Variants in PEAK1 observed in about 807,000 individuals in gnomAD.
PEAK1 encodes pseudopodium enriched atypical kinase 1, also known as inactive tyrosine-protein kinase PEAK1.
A neutral mutation model predicts 124.7 loss-of-function variants in PEAK1; 54 were observed. The observed-to-expected ratio is 0.43, with a 90% CI of 0.35 to 0.54. The LOEUF (loss-of-function observed/expected upper bound fraction) is 0.54, where lower values mean the gene tolerates loss of function less well. Among genes scored for constraint, PEAK1 ranks in the 20% least tolerant of loss-of-function variants. The pLI is 0.01. For missense variants in PEAK1, 2,046 were observed against 2,134.5 expected (o/e 0.96, Z 0.82); for synonymous variants, 719 against 760.0 (o/e 0.95, Z 0.89).
At chr15:77,374,862 T>C (rs1385412602) in intron 1 of PEAK1, among the ~76,000 whole-genome samples, 1 of 152,128 alleles carries the variant, frequency 6.6e-6, no homozygotes, top group Non-Finnish European at 1.5e-5. Context: ...TATACTGTAT[T>C]AATGAAAAAT....
rs1001376654 is a variant in PEAK1 at position 77,373,544 on chromosome 15, G to A, written c.-665-8319C>T. On this transcript the variant is annotated intron_variant, in intron 1 of 9. Transcript: ENST00000682557. Reference sequence around the variant, plus strand: ...TAACATAGTCTGGTAACGTGTCACTGCCTCAAACTCCACCAGTCCTAAGGT... The same window carrying A: ...TAACATAGTCTGGTAACGTGTCACTACCTCAAACTCCACCAGTCCTAAGGT... Among the ~76,000 whole-genome samples the A allele has an allele frequency of 3.9e-5, 6 of 152,224 alleles. No individual in the cohort carries two copies. In the East Asian group the frequency reaches 5.8e-4, roughly 15 times the overall value.
At chr15:77,214,007 T>C (rs1268165868) in intron 6 of PEAK1, among the ~76,000 whole-genome samples, 1 of 152,154 alleles carries the variant, frequency 6.6e-6, no homozygotes, top group African/African-American at 2.4e-5. Context: ...TTTTCTAGAA[T>C]TTCATATAAA....
chr15:77,219,287 T>C (rs1004823181), intron 6 of PEAK1, among the ~76,000 whole-genome samples: 7 of 152,062 alleles, frequency 4.6e-5, no homozygotes, highest in African/African-American at 7.2e-5. Context: ...TCAGCAATGA[T>C]TGATGACCCC....
rs759499979 is a variant in PEAK1 at position 77,133,234 on chromosome 15, C to T, written c.3848G>A (p.Arg1283Gln). ...RQALYRGLENREEVVGKIRSL... is the reference protein window; with the variant it reads ...RQALYRGLENQEEVVGKIRSL... ...TCGGATTTTACCCACTACTTCCTCC[C>T]GATTCTCAAGTCCTCGATAAAGTGC... Residue 1283 changes from arginine to glutamine, a missense_variant, in exon 9 of 10, where the codon CGG becomes CAG. Transcript: ENST00000682557. The surrounding 1 kb of genome is among the most constrained non-coding windows in gnomAD (Gnocchi z 4.2). 16 of 1,614,086 alleles carry T rather than the reference C, an allele frequency of 9.9e-6. No individual in the cohort carries two copies. Among genetic ancestry groups the T allele is most frequent in the East Asian group, 6.7e-5 (3 of 44,894 alleles).
chr15:77,152,339 G>A (rs999140932), intron 8 of PEAK1, among the ~76,000 whole-genome samples: 42 of 152,098 alleles, frequency 2.8e-4, no homozygotes, highest in Non-Finnish European at 4.7e-4. Context: ...CATTGATTTT[G>A]TATCCTGAGA....
chr15:77,358,521 G>A (rs770604530), intron 2 of PEAK1, among the ~76,000 whole-genome samples: 25 of 152,160 alleles, frequency 1.6e-4, no homozygotes, highest in Non-Finnish European at 2.8e-4. Flanking sequence ...TGACACTAAT[G>A]AACACTGCCA....
intron 1 of PEAK1, among the ~76,000 whole-genome samples, chr15:77,397,293 T>C (rs1269718718): frequency 1.3e-5 from 2 of 151,962 alleles, no homozygotes; most frequent in Non-Finnish European, 2.9e-5. Context: ...CAAAAATCTA[T>C]AGGATATAGT....
chr15:77,296,393 C>T (rs1011259003), intron 2 of PEAK1, among the ~76,000 whole-genome samples: 3 of 151,504 alleles, frequency 2.0e-5, no homozygotes, highest in African/African-American at 7.3e-5. Context: ...AGGCAGATCA[C>T]TTGAGGTGAG....
intron 6 of PEAK1, among the ~76,000 whole-genome samples, chr15:77,196,588 T>A (rs1368130981): frequency 6.6e-6 from 1 of 152,074 alleles, no homozygotes. Context: ...ACATAAAACA[T>A]GGGCTTTGGA....
At chr15:77,103,639 A>T (rs1028573005), downstream of PEAK1, 1 of 152,232 alleles carries the variant, frequency 6.6e-6, no homozygotes, top group Non-Finnish European at 1.5e-5. Context: ...AATGGAAAGC[A>T]GATTATTAAC....
chr15:77,354,896 G>A (rs945783431), intron 2 of PEAK1, among the ~76,000 whole-genome samples: 5 of 152,066 alleles, frequency 3.3e-5, no homozygotes, highest in East Asian at 3.9e-4. Context: ...AAAATTAGCC[G>A]GGTGTGGTGG....
chr15:77,115,122 G>A lies in PEAK1; in HGVS notation c.4275C>T (p.Ala1425=), dbSNP rs769674335. Reference sequence around the variant, plus strand: ...GGTTTTTCCCATCCGTTTCTCCTTTGGCGTCTTCTTCAGTCTCTTCCATGT... The same window carrying A: ...GGTTTTTCCCATCCGTTTCTCCTTTAGCGTCTTCTTCAGTCTCTTCCATGT... ...EDDMEETEED[A]KGETDGKNPK... is the part of the protein sequence containing the mutation. The change falls in exon 10 of 10, where the codon GCC becomes GCT. Residue 1425 remains alanine, a synonymous_variant. Coordinates refer to ENST00000682557, the MANE Select transcript of PEAK1 (RefSeq NM_001385026.1). 1.9e-6 allele frequency: 3 copies of A among 1,614,050 alleles called. No homozygotes were observed. Among genetic ancestry groups the A allele is most frequent in the Admixed American group, 1.7e-5 (1 of 60,006 alleles).
At chr15:77,236,709 T>G (rs1199713419) in intron 6 of PEAK1, among the ~76,000 whole-genome samples, 1 of 152,154 alleles carries the variant, frequency 6.6e-6, no homozygotes, top group Non-Finnish European at 1.5e-5. Flanking sequence ...ATGATATGGT[T>G]TGGCTGTGTC....
intron 6 of PEAK1, among the ~76,000 whole-genome samples, chr15:77,222,995 A>AGT (rs1477558867): frequency 1.3e-5 from 2 of 151,980 alleles, no homozygotes; most frequent in Non-Finnish European, 2.9e-5. Flanking sequence ...TTAGAAATGC[A>AGT]GTGTCTCAGG....
chr15:77,222,767 G>T (rs190249047), intron 6 of PEAK1, among the ~76,000 whole-genome samples: 133 of 152,068 alleles, frequency 8.7e-4, no homozygotes, highest in African/African-American at 3.1e-3. Context: ...TAATAAAAGG[G>T]CATGTCTTCC....
intron 1 of PEAK1, among the ~76,000 whole-genome samples, chr15:77,408,154 TACACACAC>T (rs55866391): frequency 5.0e-4 from 72 of 144,418 alleles, no homozygotes; most frequent in Admixed American, 7.6e-4. Flanking sequence ...CATATATACA[TACACACAC>T]ACACACACAC....
At chr15:77,256,691 ATT>A (rs2061155499) in intron 5 of PEAK1, among the ~76,000 whole-genome samples, 4 of 151,972 alleles carry the variant, frequency 2.6e-5, no homozygotes, top group African/African-American at 9.7e-5. Context: ...TAGCCAGTTC[ATT>A]TGTTTATATA....
intron 2 of PEAK1, chr15:77,350,130 G>A (rs1256879239): frequency 5.1e-6 from 5 of 985,282 alleles, no homozygotes; most frequent in South Asian, 4.7e-5. Flanking sequence ...AAGCCACTTC[G>A]AAAGATGTGA....
intron 7 of PEAK1, among the ~76,000 whole-genome samples, chr15:77,176,284 A>AG (rs2056870300): frequency 6.6e-6 from 1 of 151,614 alleles, no homozygotes; most frequent in African/African-American, 2.4e-5. Flanking sequence ...AAAGAAAAAA[A>AG]AAAAGAAAAA....
Sources: allele counts gnomAD v4.1 joint callset (sites outside exome capture counted in the v4.1 genomes callset), GRCh38; gene constraint gnomAD v4.1.1; non-coding constraint Gnocchi (gnomAD v3.1); transcripts MANE v1.5; gene names NCBI Gene and HGNC (gene_info 2026-07-23, HGNC 2026-07-21).